The following PCDHGB5 variants were observed in gnomAD, a reference collection of about 807,000 sequenced individuals.
The protein encoded by PCDHGB5 is protocadherin gamma-B5.
A neutral mutation model predicts 62.9 loss-of-function variants in PCDHGB5; 48 were observed. The ratio of observed to expected loss-of-function variants is 0.76; its 90% confidence interval spans 0.61 to 0.97. The LOEUF (loss-of-function observed/expected upper bound fraction) is 0.97, where lower values mean the gene tolerates loss of function less well. PCDHGB5 is among the 50% of genes least tolerant of loss of function. The probability of loss-of-function intolerance (pLI) is 0.00; values close to 1 mark genes in which losing one functional copy is unlikely to be tolerated. For synonymous variants in PCDHGB5, 474 were observed against 511.2 expected, an observed-to-expected ratio of 0.93 and a Z score of 0.98; for missense variants, 1,118 against 1,198.6, an observed-to-expected ratio of 0.93 and a Z score of 0.99.
chr5:141,494,925 G>T (rs936071950), intron 2 of PCDHGB5, 60 bp downstream of exon 2: 1 of 1,613,316 alleles, frequency 6.2e-7, no homozygotes. Flanking sequence ...GGGATGACGT[G>T]GGAGGAGATG....
chr5:141,409,480 C>G, intron 1 of PCDHGB5: 1 of 1,614,002 alleles, frequency 6.2e-7, no homozygotes, highest in Non-Finnish European at 8.5e-7. Context: ...TAGCCACTGA[C>G]AGGGGCAAGC....
At chr5:141,401,213 G>T (rs1259778152) in intron 1 of PCDHGB5, among the ~76,000 whole-genome samples, 2 of 152,014 alleles carry the variant, frequency 1.3e-5, no homozygotes, top group African/African-American at 4.8e-5. Flanking sequence ...GTGGTGGCGG[G>T]CGCCTGTAAT....
intron 1 of PCDHGB5, among the ~76,000 whole-genome samples, chr5:141,463,049 T>C (rs529642816): frequency 3.9e-4 from 60 of 152,326 alleles, no homozygotes; most frequent in African/African-American, 1.3e-3. Context: ...CAGCAGGGTC[T>C]CTTTATTATG....
chr5:141,461,303 G>T (rs1390421489), intron 1 of PCDHGB5, among the ~76,000 whole-genome samples: 2 of 152,074 alleles, frequency 1.3e-5, no homozygotes, highest in Non-Finnish European at 2.9e-5. Flanking sequence ...AACATCTATT[G>T]TTTTTTGACT....
rs1375469711 is a variant in PCDHGB5, at chr5:141,512,102, C to A, written c.*929C>A. On this transcript the variant is annotated 3_prime_UTR_variant, in exon 4 of 4. Coordinates refer to ENST00000617380, the MANE Select transcript of PCDHGB5 (RefSeq NM_018925.3). ...GCCATAAACCAATAACTAGGCTGGA[C>A]CCTTCCCACTACATAATAGGGCTCA... The A allele has an allele frequency of 6.5e-6, 1 of 152,688 alleles. No individual in the cohort carries two copies. Among genetic ancestry groups the A allele is most frequent in the Non-Finnish European group, 1.5e-5 (1 of 68,070 alleles). The allele number at this position is 152,688 out of a possible 1,614,324, so 9.5% of individuals were successfully genotyped here. A position where few individuals can be genotyped will look rare whatever the true frequency, so the allele number is the denominator to read the frequency against.
chr5:141,408,641 T>C, intron 1 of PCDHGB5: 1 of 1,614,034 alleles, frequency 6.2e-7, no homozygotes, highest in Non-Finnish European at 8.5e-7. Context: ...CGAATCTGCA[T>C]CCGCTGGTAC....
chr5:141,426,805 A>G (rs1222690899), intron 1 of PCDHGB5: 2 of 456,720 alleles, frequency 4.4e-6, no homozygotes, highest in African/African-American at 2.0e-5. Flanking sequence ...CTCAGTTCTA[A>G]TGAACATTTC....
At position 141,431,118 on chromosome 5, in the gene PCDHGB5, A is replaced by C; in HGVS notation, c.2397+30594A>C. On this transcript the variant is annotated intron_variant, in intron 1 of 3. Coordinates refer to ENST00000617380, the MANE Select transcript of PCDHGB5 (RefSeq NM_018925.3). The surrounding 1 kb of genome is among the most constrained non-coding windows in gnomAD (Gnocchi z 4.8). ...GATAAAGTGAAAATATATGGAGTAG[A>C]AGTAGAAGTAAGGGACATTAACGAC... 6.2e-7 allele frequency: 1 copy of C among 1,614,182 alleles called. No individual in the cohort carries two copies. Among genetic ancestry groups the C allele is most frequent in the Non-Finnish European group, 8.5e-7 (1 of 1,179,974 alleles).
chr5:141,421,960 CA>C, intron 1 of PCDHGB5: 1 of 1,612,526 alleles, frequency 6.2e-7, no homozygotes, highest in Admixed American at 1.7e-5. Flanking sequence ...AATGTTTACA[CA>C]GTCCGTATAT....
At chr5:141,420,211 T>C (rs759486952) in intron 1 of PCDHGB5, 11 of 1,612,388 alleles carry the variant, frequency 6.8e-6, no homozygotes, top group African/African-American at 1.3e-5. Context: ...TCAACAAAGA[T>C]AGCATGCTAC....
intron 1 of PCDHGB5, chr5:141,414,562 A>G (rs770740530): frequency 3.1e-6 from 5 of 1,613,924 alleles, no homozygotes; most frequent in Non-Finnish European, 4.2e-6. Context: ...CTCCTACTTT[A>G]CCTATATCCC....
intron 1 of PCDHGB5, chr5:141,428,003 C>A (rs1175875944): frequency 2.5e-6 from 4 of 1,601,244 alleles, no homozygotes; most frequent in Non-Finnish European, 3.4e-6. Context: ...CCGCACTCTT[C>A]GATATAGTGC....
intron 1 of PCDHGB5, chr5:141,413,638 C>T (rs768604791): frequency 4.8e-5 from 78 of 1,613,686 alleles, no homozygotes; most frequent in Middle Eastern, 1.6e-4. Flanking sequence ...TGCGGGAATG[C>T]GTTTTCCTCT....
rs761106133 is a variant in PCDHGB5 at position 141,432,117 on chromosome 5, C to A, written c.2397+31593C>A. 1 of 1,614,180 alleles carries A rather than the reference C, an allele frequency of 6.2e-7. No individual in the cohort carries two copies. Among genetic ancestry groups the A allele is most frequent in the Admixed American group, 1.7e-5 (1 of 60,024 alleles). ...ACCAACGACAACCCGCCGGTCTTCC[C>A]TCAGGCCTCCTATTCCGCTTATATC... On this transcript the variant is annotated intron_variant, in intron 1 of 3. Transcript: ENST00000617380. The surrounding 1 kb of genome is among the most constrained non-coding windows in gnomAD (Gnocchi z 6.0).
At chr5:141,427,825 C>T (rs1342117815) in intron 1 of PCDHGB5, 2 of 1,536,464 alleles carry the variant, frequency 1.3e-6, no homozygotes, top group Non-Finnish European at 1.8e-6. Flanking sequence ...GTGGTGGTCG[C>T]GCAGCGTGCC....
chr5:141,499,689 CTTTTTTTTTTTT>C (rs545067566), intron 2 of PCDHGB5, among the ~76,000 whole-genome samples: 1 of 119,856 alleles, frequency 8.3e-6, no homozygotes, highest in Non-Finnish European at 1.7e-5. Flanking sequence ...TAACAGATGA[CTTTTTTTTTTTT>C]TTTTTTTTTT....
rs2093800599 is a variant in PCDHGB5 at position 141,399,402 on chromosome 5, G to T, written c.1275G>T (p.Lys425Asn). 2 of 1,613,898 alleles carry T rather than the reference G, an allele frequency of 1.2e-6. No individual in the cohort carries two copies. The highest frequency in any genetic ancestry group is 1.7e-6 in the Non-Finnish European group (2 of 1,179,776). ...CCATCACAGCCACAGACAGGGGCAAGCCGCCCCTCTCCTCCAGCATAAGCG... is the reference window on the plus strand; with the variant it reads ...CCATCACAGCCACAGACAGGGGCAATCCGCCCCTCTCCTCCAGCATAAGCG... Reference protein sequence around the residue: ...NVTITATDRGKPPLSSSISVI... With the variant: ...NVTITATDRGNPPLSSSISVI... The change falls in exon 1 of 4, where the codon AAG (lysine) becomes AAT (asparagine). Residue 425 changes from lysine (K) to asparagine (N), a missense_variant. Coordinates refer to ENST00000617380, the MANE Select transcript of PCDHGB5 (RefSeq NM_018925.3).
intron 1 of PCDHGB5, among the ~76,000 whole-genome samples, chr5:141,438,564 T>A (rs1192918137): frequency 1.5e-5 from 2 of 137,114 alleles, no homozygotes; most frequent in Non-Finnish European, 3.1e-5. Flanking sequence ...AAGAGGCAGC[T>A]GTCTGATATA....
rs556099456 is a variant in PCDHGB5, at chr5:141,430,033, C to A, written c.2397+29509C>A. ...ACTTGGGTTCTTGTTAAGTGTGATT[C>A]TGATAATGTATACAATCACATATCA... On this transcript the variant is annotated intron_variant, in intron 1 of 3. Coordinates refer to ENST00000617380, the MANE Select transcript of PCDHGB5 (RefSeq NM_018925.3). 1.2e-4 allele frequency among the ~76,000 whole-genome samples: 18 copies of A among 152,184 alleles called. 1 individual carries two copies. In the South Asian group the frequency reaches 3.3e-3, roughly 28 times the overall value.
Sources: gnomAD v4.1 joint callset for allele counts (sites outside exome capture counted in the v4.1 genomes callset) on GRCh38, gnomAD v4.1.1 for gene constraint, Gnocchi (gnomAD v3.1) non-coding constraint, MANE v1.5 for transcripts, NCBI Gene and HGNC (gene_info 2026-07-23, HGNC 2026-07-21) for gene names.